Variants in MRPS18A observed in about 807,000 individuals in gnomAD.
The protein encoded by MRPS18A is mitochondrial ribosomal protein S18A.
MRPS18A carries 20 observed loss-of-function variants against 22.7 expected under a neutral mutation model. The observed-to-expected ratio is 0.88, with a 90% confidence interval of 0.62 to 1.28. MRPS18A has a LOEUF of 1.28. MRPS18A is among the 50% of genes most tolerant of loss of function. The pLI is 0.00. For synonymous variants in MRPS18A, 106 were observed against 99.1 expected (o/e 1.07, Z -0.41); for missense variants, 294 against 262.6 (o/e 1.12, Z -0.83).
At chr6:43,686,661 C>A (rs1274829981) in intron 1 of MRPS18A, among the ~76,000 whole-genome samples, 1 of 152,204 alleles carries the variant, frequency 6.6e-6, no homozygotes, top group African/African-American at 2.4e-5. Context: ...CAACAATGAT[C>A]ACTCTTTTCC....
At chr6:43,681,028 G>A in intron 2 of MRPS18A, 61 bp downstream of exon 2, 1 of 1,558,242 alleles carries the variant, frequency 6.4e-7, no homozygotes, top group Admixed American at 1.7e-5. Flanking sequence ...TCCCTCAGAG[G>A]AGCGGCCAGG....
chr6:43,674,889 A>C (rs895339002), intron 5 of MRPS18A, among the ~76,000 whole-genome samples: 2 of 152,092 alleles, frequency 1.3e-5, no homozygotes, highest in Non-Finnish European at 2.9e-5. Flanking sequence ...CGCTGGAGAG[A>C]GCTAGGATAC....
chr6:43,687,560 G>A, intron 1 of MRPS18A, 108 bp downstream of exon 1: 1 of 1,032,428 alleles, frequency 9.7e-7, no homozygotes, highest in Middle Eastern at 2.1e-4. Flanking sequence ...TACCTCCAAA[G>A]TTTCAGAATC....
chr6:43,672,361 TATAA>T (rs1773773649), intron 5 of MRPS18A: 1 of 472,184 alleles, frequency 2.1e-6, no homozygotes, highest in Non-Finnish European at 4.4e-6. Flanking sequence ...CTATAACTGG[TATAA>T]GACCCCTGCC....
In MRPS18A at chr6:43,672,456, AG is replaced by A. The variant is rs1182706652; in HGVS notation, c.447-551del. 26 of 470,066 alleles carry A rather than the reference AG, an allele frequency of 5.5e-5. 1 individual carries two copies. In the East Asian group the frequency reaches 1.3e-3, roughly 23 times the overall value. The allele number at this position is 470,066 out of a possible 1,614,324, so 29.1% of individuals were successfully genotyped here. ...GCCTAGGAAGGTTCCTGTAAATAGG[AG>A]GGGGGTGGGGAAAGATGGCTGCCGC... On this transcript the variant is annotated intron_variant, in intron 5 of 5. Coordinates refer to ENST00000372133, the MANE Select transcript of MRPS18A (RefSeq NM_018135.4).
At chr6:43,675,134 C>G (rs1311054114) in intron 5 of MRPS18A, 68 bp downstream of exon 5, 6 of 1,348,590 alleles carry the variant, frequency 4.4e-6, no homozygotes, top group African/African-American at 3.0e-5. Context: ...ATGGAACAGA[C>G]AGCCAAGGTG....
At chr6:43,674,032 AG>A (rs1395901293) in intron 5 of MRPS18A, among the ~76,000 whole-genome samples, 1 of 152,220 alleles carries the variant, frequency 6.6e-6, no homozygotes, top group East Asian at 1.9e-4. Context: ...TAGGGGACAT[AG>A]GAAGAGGTTA....
intron 1 of MRPS18A, among the ~76,000 whole-genome samples, chr6:43,682,153 G>T (rs147928667): frequency 4.4e-4 from 67 of 152,264 alleles, no homozygotes; most frequent in Non-Finnish European, 7.8e-4. Flanking sequence ...ACTAAAATTA[G>T]CCAGGCATGG....
chr6:43,681,032 G>T (rs995268792), intron 2 of MRPS18A, 57 bp downstream of exon 2: 2 of 1,561,840 alleles, frequency 1.3e-6, no homozygotes, highest in African/African-American at 1.4e-5. Flanking sequence ...TCAGAGGAGC[G>T]GCCAGGCAGC....
chr6:43,672,100 T>G, intron 5 of MRPS18A, 194 bp from the exon 6 acceptor site: 2 of 675,540 alleles, frequency 3.0e-6, no homozygotes, highest in Non-Finnish European at 4.9e-6. Flanking sequence ...GCTGGGCTCT[T>G]GCTGCCGCAA....
chr6:43,686,691 T>C (rs908319655), intron 1 of MRPS18A, among the ~76,000 whole-genome samples: 1 of 152,226 alleles, frequency 6.6e-6, no homozygotes, highest in African/African-American at 2.4e-5. Context: ...TTCTCAGCTT[T>C]CGTTAAAGGA....
Position 43,675,583 on chromosome 6 carries a change from T to G in MRPS18A, c.287A>C (p.His96Pro). 1 of 1,613,582 alleles carries G rather than the reference T, an allele frequency of 6.2e-7. No homozygotes were observed. Among genetic ancestry groups the G allele is most frequent in the Non-Finnish European group, 8.5e-7 (1 of 1,179,854 alleles). ...VLLLSQFIRP[H>P]GGMLPRKITG... ...GATCTTTCGGGGCAGCATGCCTCCA[T>G]GAGGCCGGATGAACTGGCTAAGCAG... Residue 96 changes from histidine (H) to proline (P), a missense_variant, in exon 4 of 6, where the codon CAT (histidine) becomes CCT (proline). Transcript: ENST00000372133.
Position 43,671,300 on chromosome 6 carries a change from G to C in MRPS18A, c.*462C>G. On this transcript the variant is annotated 3_prime_UTR_variant, in exon 6 of 6. Coordinates refer to ENST00000372133, the MANE Select transcript of MRPS18A (RefSeq NM_018135.4). Reference sequence around the variant, plus strand: ...GCTCTCCCACAGTAAGGAGCTCACAGCTGTCATGAAGAGGATGGGACCTGT... The same window carrying C: ...GCTCTCCCACAGTAAGGAGCTCACACCTGTCATGAAGAGGATGGGACCTGT... 1 of 457,090 alleles carries C rather than the reference G, an allele frequency of 2.2e-6. No individual in the cohort carries two copies. Among genetic ancestry groups the C allele is most frequent in the Non-Finnish European group, 4.0e-6 (1 of 250,194 alleles). The allele number at this position is 457,090 out of a possible 1,614,324, so 28.3% of individuals were successfully genotyped here. A position where few individuals can be genotyped will look rare whatever the true frequency, so the allele number is the denominator to read the frequency against.
chr6:43,680,192 G>C (rs951713868), intron 2 of MRPS18A, among the ~76,000 whole-genome samples: 1 of 152,132 alleles, frequency 6.6e-6, no homozygotes, highest in African/African-American at 2.4e-5. Context: ...TAGAGTGAAT[G>C]CTTGTTTTGG....
chr6:43,678,955 C>T (rs1369130073), intron 2 of MRPS18A, among the ~76,000 whole-genome samples: 1 of 152,122 alleles, frequency 6.6e-6, no homozygotes, highest in Non-Finnish European at 1.5e-5. Flanking sequence ...ACAAAGGCAC[C>T]AGAACACTAT....
In MRPS18A at chr6:43,687,754, G is replaced by C; in HGVS notation, c.26C>G (p.Ser9Cys). 1 of 1,583,274 alleles carries C rather than the reference G, an allele frequency of 6.3e-7. No homozygotes were observed. Among genetic ancestry groups the C allele is most frequent in the Non-Finnish European group, 8.6e-7 (1 of 1,164,678 alleles). MAALKALV[S>C]GCGRLLRGLL... ...CCCACGGAGAAGCCGCCCACAGCCG[G>C]ACACCAGAGCCTTGAGGGCCGCCAT... is the stretch of plus-strand genomic sequence containing the variant. Residue 9 changes from serine to cysteine, a missense_variant, in exon 1 of 6, where the codon TCC (serine) becomes TGC (cysteine). By Grantham distance (112) the Ser-to-Cys change is moderately radical. Coordinates refer to ENST00000372133, the MANE Select transcript of MRPS18A (RefSeq NM_018135.4).
rs781020111 is a variant in MRPS18A at position 43,678,503 on chromosome 6, T to C, written c.252+15A>G. On this transcript the variant is annotated intron_variant, in intron 3 of 5. Coordinates refer to ENST00000372133, the MANE Select transcript of MRPS18A (RefSeq NM_018135.4). Reference sequence around the variant, plus strand: ...CATGACACACAGAACCGAGTGTCTCTGTACCCAGACTCACGTCATAGTTAT... The same window carrying C: ...CATGACACACAGAACCGAGTGTCTCCGTACCCAGACTCACGTCATAGTTAT... 3.2e-6 allele frequency: 5 copies of C among 1,582,972 alleles called. No homozygotes were observed. The South Asian group carries it at 5.5e-5, about 18-fold the overall frequency.
Position 43,671,714 on chromosome 6 carries a change from T to G in MRPS18A, c.*48A>C, listed in dbSNP as rs970220284. On this transcript the variant is annotated 3_prime_UTR_variant, in exon 6 of 6. Transcript: ENST00000372133. ...GCCAAGGGCTTGTGAGTGGGCCTCCTACTCCCCAGCACAGGTGCAGGAGGA... is the reference window on the plus strand; with the variant it reads ...GCCAAGGGCTTGTGAGTGGGCCTCCGACTCCCCAGCACAGGTGCAGGAGGA... 3.7e-6 allele frequency: 6 copies of G among 1,611,016 alleles called. No homozygotes were observed. In the African/African-American group the frequency reaches 6.7e-5, roughly 18 times the overall value.
chr6:43,678,720 G>C, intron 2 of MRPS18A, 95 bp from the exon 3 acceptor site: 2 of 874,090 alleles, frequency 2.3e-6, no homozygotes, highest in South Asian at 1.5e-5. Flanking sequence ...TAATGCTGGT[G>C]AAAGTTTACC....
Sources: gnomAD v4.1 joint callset for allele counts (sites outside exome capture counted in the v4.1 genomes callset) on GRCh38, gnomAD v4.1.1 for gene constraint, MANE v1.5 for transcripts, NCBI Gene and HGNC (gene_info 2026-07-23, HGNC 2026-07-21) for gene names.